The following B3GNT2 variants were observed in gnomAD, a reference collection of about 807,000 sequenced individuals.
B3GNT2 encodes UDP-GlcNAc:betaGal beta-1,3-N-acetylglucosaminyltransferase 2.
In B3GNT2, 12 loss-of-function variants were observed where a neutral mutation model predicts 27.6. That is an observed-to-expected ratio of 0.44 (90% confidence interval 0.28 to 0.71). B3GNT2 has a LOEUF of 0.71. B3GNT2 is among the 30% of genes least tolerant of loss of function. B3GNT2 has a pLI of 0.17. For missense variants in B3GNT2, 413 were observed against 488.5 expected, an observed-to-expected ratio of 0.85 and a Z score of 1.46; for synonymous variants, 192 against 189.7, an observed-to-expected ratio of 1.01 and a Z score of -0.10.
chr2:62,208,211 C>T (rs965062154), intron 1 of B3GNT2, among the ~76,000 whole-genome samples: 12 of 123,444 alleles, frequency 9.7e-5, no homozygotes, highest in Admixed American at 4.5e-4. Flanking sequence ...CTCCTTCCTT[C>T]CCCCCTTCCT....
intron 1 of B3GNT2, among the ~76,000 whole-genome samples, chr2:62,212,598 C>T (rs1480820785): frequency 6.6e-6 from 1 of 151,690 alleles, no homozygotes; most frequent in Non-Finnish European, 1.5e-5. Flanking sequence ...ACTTGCTTGC[C>T]TGTACCCTAG....
In B3GNT2 at chr2:62,224,367, C is replaced by G. The variant is rs1163636258; in HGVS notation, c.*953C>G. 6.0e-6 allele frequency: 1 copy of G among 167,020 alleles called. No homozygotes were observed. Among genetic ancestry groups the G allele is most frequent in the Non-Finnish European group, 1.5e-5 (1 of 68,118 alleles). The allele number at this position is 167,020 out of a possible 1,614,324, so 10.3% of individuals were successfully genotyped here. A position where few individuals can be genotyped will look rare whatever the true frequency, so the allele number is the denominator to read the frequency against. Reference sequence around the variant, plus strand: ...TTATTATTGAGTAGTAACTGCTTCCCTGTCTATGTAGAAGTGCCTGTGTTT... The same window carrying G: ...TTATTATTGAGTAGTAACTGCTTCCGTGTCTATGTAGAAGTGCCTGTGTTT... On this transcript the variant is annotated 3_prime_UTR_variant, in exon 2 of 2. Coordinates refer to ENST00000301998, the MANE Select transcript of B3GNT2 (RefSeq NM_006577.6).
At chr2:62,220,112 A>G (rs181812189) in intron 1 of B3GNT2, among the ~76,000 whole-genome samples, 7 of 152,334 alleles carry the variant, frequency 4.6e-5, no homozygotes, top group Admixed American at 2.6e-4. Flanking sequence ...TCTCAATCCT[A>G]ATCTTGTGAC....
At chr2:62,206,597 T>G (rs1055209420) in intron 1 of B3GNT2, among the ~76,000 whole-genome samples, 1 of 152,212 alleles carries the variant, frequency 6.6e-6, no homozygotes, top group East Asian at 1.9e-4. Flanking sequence ...AGAGACAGGA[T>G]CTCTCTCTGT....
chr2:62,217,740 A>G (rs1238956288), intron 1 of B3GNT2, among the ~76,000 whole-genome samples: 2 of 152,130 alleles, frequency 1.3e-5, no homozygotes, highest in African/African-American at 2.4e-5. Flanking sequence ...AGGATGTGAA[A>G]ACACCCTCTC....
chr2:62,210,389 G>C (rs1013665667), intron 1 of B3GNT2, among the ~76,000 whole-genome samples: 12 of 152,048 alleles, frequency 7.9e-5, no homozygotes, highest in Non-Finnish European at 1.3e-4. Context: ...CAAAGGGCAT[G>C]GGGGAGTAGG....
chr2:62,222,966 T>C lies in B3GNT2; in HGVS notation c.746T>C (p.Phe249Ser). The C allele has an allele frequency of 6.2e-7, 1 of 1,613,360 alleles. No homozygotes were observed. ...GTTTTCAAGGGCGATGACGATGTTT[T>C]TGTGAACACCCATCACATCCTGAAT... ...EFVFKGDDDVFVNTHHILNYL... is the reference protein window; with the variant it reads ...EFVFKGDDDVSVNTHHILNYL... Residue 249 changes from phenylalanine to serine, a missense_variant, in exon 2 of 2, where the codon TTT (phenylalanine) becomes TCT (serine). By Grantham distance (155) the Phe-to-Ser change is radical. Coordinates refer to ENST00000301998, the MANE Select transcript of B3GNT2 (RefSeq NM_006577.6). This position sits in a 1 kb window ranked among gnomAD's most constrained non-coding sequence, Gnocchi z 4.2.
intron 1 of B3GNT2, among the ~76,000 whole-genome samples, chr2:62,220,119 T>C (rs1315992386): frequency 1.3e-5 from 2 of 152,270 alleles, no homozygotes; most frequent in Admixed American, 1.3e-4. Context: ...CCTAATCTTG[T>C]GACCTTTCAT....
chr2:62,207,402 G>A (rs1213664740), intron 1 of B3GNT2, among the ~76,000 whole-genome samples: 1 of 152,098 alleles, frequency 6.6e-6, no homozygotes, highest in Non-Finnish European at 1.5e-5. Flanking sequence ...TAGACTTACG[G>A]TTCTTGAGGG....
chr2:62,206,954 G>A (rs1332984626), intron 1 of B3GNT2, among the ~76,000 whole-genome samples: 1 of 152,124 alleles, frequency 6.6e-6, no homozygotes, highest in Non-Finnish European at 1.5e-5. Flanking sequence ...AAGAAATTGA[G>A]ACTTCCCAAA....
At chr2:62,221,682 G>C (rs1435791586) in intron 1 of B3GNT2, 1 of 334,154 alleles carries the variant, frequency 3.0e-6, no homozygotes, top group Non-Finnish European at 5.9e-6. Flanking sequence ...AAATAGAAGA[G>C]AACTTGAGAG....
At chr2:62,212,781 T>C (rs1674503836) in intron 1 of B3GNT2, among the ~76,000 whole-genome samples, 3 of 152,158 alleles carry the variant, frequency 2.0e-5, no homozygotes, top group African/African-American at 7.2e-5. Flanking sequence ...ATTTCATCTT[T>C]ATAGTTTACT....
At chr2:62,199,585 C>G (rs887287266) in intron 1 of B3GNT2, among the ~76,000 whole-genome samples, 6 of 152,170 alleles carry the variant, frequency 3.9e-5, no homozygotes, top group African/African-American at 1.2e-4. Flanking sequence ...TCATAAAGGC[C>G]TTTTGGTCTC....
At chr2:62,213,677 A>G (rs1674520355) in intron 1 of B3GNT2, among the ~76,000 whole-genome samples, 1 of 152,230 alleles carries the variant, frequency 6.6e-6, no homozygotes, top group Non-Finnish European at 1.5e-5. Flanking sequence ...ACATGGAGTC[A>G]GCACTGCTGA....
rs1387972657 is a variant in B3GNT2, at chr2:62,209,975, C to T, written c.-9-12237C>T. ...TTCTGCCTATGGTGCGGAAGTGTTA[C>T]CAGACCAGGACCCCTGGATACGTTA... On this transcript the variant is annotated intron_variant, in intron 1 of 1. Transcript: ENST00000301998. Among the ~76,000 whole-genome samples, 3 of 152,310 alleles carry T rather than the reference C, an allele frequency of 2.0e-5. No homozygotes were observed. In the East Asian group the frequency reaches 5.8e-4, roughly 29 times the overall value.
chr2:62,221,956 A>T, intron 1 of B3GNT2: 2 of 553,986 alleles, frequency 3.6e-6, no homozygotes, highest in Non-Finnish European at 6.7e-6. Flanking sequence ...AGCTTTCCAT[A>T]TAACATCATA....
intron 1 of B3GNT2, among the ~76,000 whole-genome samples, chr2:62,212,978 T>TAC (rs2104201349): frequency 6.6e-6 from 1 of 152,262 alleles, no homozygotes; most frequent in African/African-American, 2.4e-5. Context: ...CACTTGCTTG[T>TAC]ACACAGGTCC....
chr2:62,209,632 C>T lies in B3GNT2; in HGVS notation c.-9-12580C>T, dbSNP rs886659493. Among the ~76,000 whole-genome samples the T allele has an allele frequency of 2.0e-5, 3 of 152,090 alleles. No individual in the cohort carries two copies. The East Asian group carries it at 5.8e-4, about 29-fold the overall frequency. ...CCAGACCCTTTACCCGCCCCCACGCCGTCACCCCCCACACACACCAAGAGT... is the reference window on the plus strand; with the variant it reads ...CCAGACCCTTTACCCGCCCCCACGCTGTCACCCCCCACACACACCAAGAGT... On this transcript the variant is annotated intron_variant, in intron 1 of 1. Transcript: ENST00000301998.
chr2:62,197,166 C>T (rs1573254248), intron 1 of B3GNT2, among the ~76,000 whole-genome samples: 2 of 152,220 alleles, frequency 1.3e-5, no homozygotes, highest in African/African-American at 2.4e-5. Flanking sequence ...TACGAGACAC[C>T]CCTCGTGGGA....
Sources: gnomAD v4.1 joint callset for allele counts (sites outside exome capture counted in the v4.1 genomes callset) on GRCh38, gnomAD v4.1.1 for gene constraint, Gnocchi (gnomAD v3.1) non-coding constraint, MANE v1.5 for transcripts, NCBI Gene and HGNC (gene_info 2026-07-23, HGNC 2026-07-21) for gene names.